Variants in LEPR observed in about 807,000 individuals in gnomAD.
LEPR encodes leptin receptor, also known as OB receptor.
In LEPR, 56 loss-of-function variants were observed where a neutral mutation model predicts 114.7. That is an observed-to-expected ratio of 0.49 (90% CI 0.39 to 0.61). The LOEUF is 0.61. Ranked by LOEUF, LEPR falls within the 20% of genes least tolerant of loss-of-function variation. LEPR has a pLI of 0.00. For missense variants in LEPR, 1,202 were observed against 1,352.9 expected (o/e 0.89, Z 1.75); for synonymous variants, 443 against 461.4 (o/e 0.96, Z 0.51).
intron 14 of LEPR, among the ~76,000 whole-genome samples, chr1:65,614,590 G>A (rs1334743827): frequency 6.6e-6 from 1 of 152,192 alleles, no homozygotes; most frequent in Non-Finnish European, 1.5e-5. Flanking sequence ...ATGTACTCTG[G>A]AAGGGGACAA....
Position 65,613,571 on chromosome 1 carries a change from G to C in LEPR, c.1996-2437G>C, listed in dbSNP as rs1189550390. ...GATCGAGACCATCCTGGCTAACAAG[G>C]TGAAACCCCGTCTCTACTAAAAATA... On this transcript the variant is annotated intron_variant, in intron 14 of 19. Coordinates refer to ENST00000349533, the MANE Select transcript of LEPR (RefSeq NM_002303.6). Among the ~76,000 whole-genome samples the C allele has an allele frequency of 1.5e-5, 2 of 131,886 alleles. 1 individual carries two copies. The highest frequency in any genetic ancestry group is 3.2e-5 in the Non-Finnish European group (2 of 62,458). 86.5% of individuals were successfully genotyped at this position (131,886 alleles called of 152,430 possible).
chr1:65,506,838 A>G (rs1383691744), intron 2 of LEPR, among the ~76,000 whole-genome samples: 1 of 152,094 alleles, frequency 6.6e-6, no homozygotes, highest in Non-Finnish European at 1.5e-5. Flanking sequence ...GAAATATGCA[A>G]TACATTATTA....
chr1:65,585,685 A>T (rs1248717099), intron 5 of LEPR, among the ~76,000 whole-genome samples: 2 of 152,034 alleles, frequency 1.3e-5, no homozygotes, highest in African/African-American at 4.8e-5. Flanking sequence ...GTAAGGCATA[A>T]AATATTTTGT....
intron 19 of LEPR, among the ~76,000 whole-genome samples, chr1:65,628,504 C>T (rs1259797557): frequency 2.6e-5 from 4 of 152,094 alleles, no homozygotes; most frequent in African/African-American, 9.7e-5. Flanking sequence ...TGTGTGTATC[C>T]ATGACCAATG....
At chr1:65,635,481 G>A (rs372045418) in intron 19 of LEPR, 23 of 643,042 alleles carry the variant, frequency 3.6e-5, no homozygotes, top group South Asian at 1.4e-4. Context: ...ATATTTTTAC[G>A]TGAAGTTATT....
intron 2 of LEPR, among the ~76,000 whole-genome samples, chr1:65,466,512 G>T (rs2100396599): frequency 6.6e-6 from 1 of 152,234 alleles, no homozygotes; most frequent in Non-Finnish European, 1.5e-5. Context: ...TCTTGGGGTT[G>T]CTCTTGTTGA....
intron 8 of LEPR, among the ~76,000 whole-genome samples, chr1:65,599,872 A>T (rs966665858): frequency 6.6e-6 from 1 of 152,244 alleles, no homozygotes; most frequent in East Asian, 1.9e-4. Flanking sequence ...TAAATATTCA[A>T]TATCTCATAT....
intron 2 of LEPR, among the ~76,000 whole-genome samples, chr1:65,564,612 G>T (rs891298821): frequency 2.0e-4 from 30 of 152,142 alleles, no homozygotes; most frequent in African/African-American, 6.8e-4. Flanking sequence ...ACTATTCTTT[G>T]TGGTAAAGTG....
At chr1:65,430,572 C>G (rs1162472301) in intron 2 of LEPR, among the ~76,000 whole-genome samples, 1 of 152,152 alleles carries the variant, frequency 6.6e-6, no homozygotes, top group Non-Finnish European at 1.5e-5. Context: ...ATAATTTATT[C>G]AATTATTTGC....
At chr1:65,429,270 G>A (rs1207005284) in intron 2 of LEPR, among the ~76,000 whole-genome samples, 2 of 152,088 alleles carry the variant, frequency 1.3e-5, no homozygotes, top group South Asian at 2.1e-4. Flanking sequence ...GCAAGCAGGG[G>A]GCACAGCTAG....
At chr1:65,429,769 A>T in intron 2 of LEPR, 1 of 1,123,932 alleles carries the variant, frequency 8.9e-7, no homozygotes. Flanking sequence ...CTAAACATTT[A>T]AAATAGCAAT....
rs1238486289 is a variant in LEPR, at chr1:65,639,251, A to G, written c.*2236A>G. 1 of 152,240 alleles carries G rather than the reference A, an allele frequency of 6.6e-6. No individual in the cohort carries two copies. Among genetic ancestry groups the G allele is most frequent in the Admixed American group, 6.5e-5 (1 of 15,278 alleles). The allele number at this position is 152,240 out of a possible 1,614,324, so 9.4% of individuals were successfully genotyped here. On this transcript the variant is annotated 3_prime_UTR_variant, in exon 20 of 20. Transcript: ENST00000349533. Reference sequence around the variant, plus strand: ...ACATTAACCTGAGATCATTGATACCATCTTGGTTCAGCCTCAGTTCCCCAG... The same window carrying G: ...ACATTAACCTGAGATCATTGATACCGTCTTGGTTCAGCCTCAGTTCCCCAG...
At chr1:65,434,906 T>G in intron 2 of LEPR, 1 of 985,464 alleles carries the variant, frequency 1.0e-6, no homozygotes, top group Non-Finnish European at 1.2e-6. Context: ...AGATCACACT[T>G]CATCACAGAA....
chr1:65,435,458 C>G (rs1208100066), intron 2 of LEPR: 2 of 497,518 alleles, frequency 4.0e-6, no homozygotes, highest in African/African-American at 4.2e-5. Context: ...AGCTCCGCCT[C>G]CCGGGTTCAC....
intron 2 of LEPR, among the ~76,000 whole-genome samples, chr1:65,548,637 C>CT (rs1296149162): frequency 6.6e-6 from 1 of 152,058 alleles, no homozygotes; most frequent in Admixed American, 6.6e-5. Context: ...CAACCCCGGT[C>CT]TTTTTTTGTT....
intron 2 of LEPR, among the ~76,000 whole-genome samples, chr1:65,450,517 A>G (rs1646769983): frequency 2.1e-5 from 3 of 143,218 alleles, no homozygotes; most frequent in African/African-American, 7.9e-5. Context: ...ATGAGTGAGA[A>G]TATGCAGTGT....
At chr1:65,461,367 A>T (rs2100375057) in intron 2 of LEPR, among the ~76,000 whole-genome samples, 1 of 152,256 alleles carries the variant, frequency 6.6e-6, no homozygotes, top group African/African-American at 2.4e-5. Flanking sequence ...GGAAATACAA[A>T]CATAGGCCTA....
chr1:65,587,590 C>G (rs1655396037), intron 5 of LEPR, among the ~76,000 whole-genome samples: 1 of 151,946 alleles, frequency 6.6e-6, no homozygotes, highest in Admixed American at 6.6e-5. Context: ...ACTTACTTGT[C>G]CATGATCCTA....
intron 2 of LEPR, among the ~76,000 whole-genome samples, chr1:65,456,054 A>G (rs1646869713): frequency 6.6e-6 from 1 of 152,076 alleles, no homozygotes; most frequent in Admixed American, 6.5e-5. Context: ...TCCAGGTGCC[A>G]TCTGTCACCC....
Sources: gnomAD v4.1 joint callset for allele counts (sites outside exome capture counted in the v4.1 genomes callset) on GRCh38, gnomAD v4.1.1 for gene constraint, MANE v1.5 for transcripts, NCBI Gene and HGNC (gene_info 2026-07-23, HGNC 2026-07-21) for gene names.